Variants in RHBDL1 observed in about 807,000 individuals in gnomAD.
The protein encoded by RHBDL1 is rhomboid like 1.
Under a neutral mutation model 34.0 loss-of-function variants are expected in RHBDL1, and 21 were observed. The ratio of observed to expected loss-of-function variants is 0.62; its 90% CI spans 0.44 to 0.89. The LOEUF is 0.89. Ranked by LOEUF, RHBDL1 falls within the 40% of genes least tolerant of loss-of-function variation. The pLI is 0.00. For synonymous variants in RHBDL1, 268 were observed against 234.8 expected, an observed-to-expected ratio of 1.14 and a Z score of -1.29; for missense variants, 450 against 530.6, an observed-to-expected ratio of 0.85 and a Z score of 1.49.
rs760167780 is a variant in RHBDL1 at position 677,713 on chromosome 16, G to C, written c.850+14G>C. 1.0e-5 allele frequency: 16 copies of C among 1,527,046 alleles called. No individual in the cohort carries two copies. The highest frequency in any genetic ancestry group is 6.8e-5 in the East Asian group (3 of 43,874). The allele number at this position is 1,527,046 out of a possible 1,614,324, so 94.6% of individuals were successfully genotyped here. ...CCTTGGTGTGCAGTGAGTAGGGGCCGGGGGGAGGGCCGGGGGGCCTCTCAG... is the reference window on the plus strand; with the variant it reads ...CCTTGGTGTGCAGTGAGTAGGGGCCCGGGGGAGGGCCGGGGGGCCTCTCAG... On this transcript the variant is annotated intron_variant, in intron 7 of 7. Coordinates refer to ENST00000352681, the MANE Select transcript of RHBDL1 (RefSeq NM_001278720.2).
In RHBDL1 at chr16:676,762, C is replaced by T. The variant is rs760294410; in HGVS notation, c.292C>T (p.Leu98=). The change falls in exon 3 of 8, where the codon CTA becomes TTA. Residue 98 remains leucine (L), a synonymous_variant. Coordinates refer to ENST00000352681, the MANE Select transcript of RHBDL1 (RefSeq NM_001278720.2). This position sits in a 1 kb window ranked among gnomAD's most constrained non-coding sequence, Gnocchi z 6.9. ...GGACGGGCCGCTGGATGAGCCAGGC[C>T]TAGGTGTCTACAAGCGGTTTGTGCG... The part of the protein sequence containing the change: ...PRDGPLDEPG[L]GVYKRFVRYV... 21 of 1,611,720 alleles carry T rather than the reference C, an allele frequency of 1.3e-5. No individual in the cohort carries two copies. The highest frequency in any genetic ancestry group is 1.1e-5 in the South Asian group (1 of 91,014).
At position 677,447 on chromosome 16, in the gene RHBDL1, T is replaced by C; in HGVS notation, c.689-12T>C. Reference sequence around the variant, plus strand: ...GGCCGGCTGCACCCTCACCCGCCGCTTGCTCACACAGGCTCCCTAACCGTC... The same window carrying C: ...GGCCGGCTGCACCCTCACCCGCCGCCTGCTCACACAGGCTCCCTAACCGTC... On this transcript the variant is annotated splice_polypyrimidine_tract_variant and intron_variant, in intron 5 of 7. Transcript: ENST00000352681. 1 of 1,601,340 alleles carries C rather than the reference T, an allele frequency of 6.2e-7. No individual in the cohort carries two copies.
chr16:676,547 G>A lies in RHBDL1; in HGVS notation c.201+50G>A. Reference sequence around the variant, plus strand: ...CAGGGGCACGGTGTCCTGGCCAGAGGAGGCGGGCAGGCAGCTCCTCACGGC... The same window carrying A: ...CAGGGGCACGGTGTCCTGGCCAGAGAAGGCGGGCAGGCAGCTCCTCACGGC... On this transcript the variant is annotated intron_variant, in intron 2 of 7. Transcript: ENST00000352681. This position sits in a 1 kb window ranked among gnomAD's most constrained non-coding sequence, Gnocchi z 6.9. 1.3e-6 allele frequency: 2 copies of A among 1,569,758 alleles called. No individual in the cohort carries two copies. Among genetic ancestry groups the A allele is most frequent in the South Asian group, 1.1e-5 (1 of 87,298 alleles).
Position 678,263 on chromosome 16 carries a change from A to G in RHBDL1, c.*211A>G, listed in dbSNP as rs370039211. 7.5e-7 allele frequency: 1 copy of G among 1,338,732 alleles called. No homozygotes were observed. Among genetic ancestry groups the G allele is most frequent in the Non-Finnish European group, 9.5e-7 (1 of 1,047,658 alleles). The allele number at this position is 1,338,732 out of a possible 1,614,324, so 82.9% of individuals were successfully genotyped here. On this transcript the variant is annotated 3_prime_UTR_variant, in exon 8 of 8. Coordinates refer to ENST00000352681, the MANE Select transcript of RHBDL1 (RefSeq NM_001278720.2). ...TTTGGATAATTAATAAATATTTTAC[A>G]CAGCACCAGGGGGCTGTCCCGGGCT...
chr16:675,795 A>T lies in RHBDL1; in HGVS notation c.5A>T (p.Asp2Val). Residue 2 changes from aspartate (D) to valine (V), a missense_variant, in exon 1 of 8, where the codon GAC (aspartate) becomes GTC (valine). Transcript: ENST00000352681. M[D>V]RSSLLQLIQE... ...CCCGGCCCCCGGCCAGGCTCTATGG[A>T]CAGGAGCTCGCTGCTGCAGCTCATC... is the stretch of plus-strand genomic sequence containing the variant. The T allele has an allele frequency of 6.6e-7, 1 of 1,505,918 alleles. No homozygotes were observed. Among genetic ancestry groups the T allele is most frequent in the Non-Finnish European group, 8.8e-7 (1 of 1,131,034 alleles). The allele number at this position is 1,505,918 out of a possible 1,614,324, so 93.3% of individuals were successfully genotyped here.
Position 675,733 on chromosome 16 carries a change from G to A in RHBDL1, c.-58G>A. On this transcript the variant is annotated 5_prime_UTR_variant, in exon 1 of 8. Coordinates refer to ENST00000352681, the MANE Select transcript of RHBDL1 (RefSeq NM_001278720.2). ...CTGGGGCGGAGCGGAGTCGTCCGCA[G>A]AGCAGCCCCTCCCGGCCGCGGCCGC... 1 of 1,164,932 alleles carries A rather than the reference G, an allele frequency of 8.6e-7. No individual in the cohort carries two copies. The highest frequency in any genetic ancestry group is 1.2e-6 in the Non-Finnish European group (1 of 855,682). 72.2% of individuals were successfully genotyped at this position (1,164,932 alleles called of 1,614,324 possible). A position where few individuals can be genotyped will look rare whatever the true frequency, so the allele number is the denominator to read the frequency against.
At position 675,773 on chromosome 16, in the gene RHBDL1, G is replaced by A; in HGVS notation, c.-18G>A. On this transcript the variant is annotated 5_prime_UTR_variant, in exon 1 of 8. Transcript: ENST00000352681. ...GCCGCGGCCGCCGACCCCGGACCCC[G>A]GCCCCCGGCCAGGCTCTATGGACAG... The A allele has an allele frequency of 1.4e-6, 2 of 1,454,244 alleles. No homozygotes were observed. Among genetic ancestry groups the A allele is most frequent in the South Asian group, 1.3e-5 (1 of 74,402 alleles). The allele number at this position is 1,454,244 out of a possible 1,614,324, so 90.1% of individuals were successfully genotyped here.
rs772314256 is a variant in RHBDL1, at chr16:676,844, G to A, written c.374G>A (p.Arg125His). Residue 125 changes from arginine to histidine, a missense_variant, in exon 3 of 8, where the codon CGT (arginine) becomes CAT (histidine). Transcript: ENST00000352681. The surrounding 1 kb of genome is among the most constrained non-coding windows in gnomAD (Gnocchi z 6.9). ...GTGGACCGCCGCTGGTACTTCTACC[G>A]TCACCGCAGCTGCCCACCCCCCGTG... ...CEVDRRWYFY[R>H]HRSCPPPVFM... is the part of the protein sequence containing the mutation. The A allele has an allele frequency of 4.5e-5, 73 of 1,611,488 alleles. No individual in the cohort carries two copies. Among genetic ancestry groups the A allele is most frequent in the Non-Finnish European group, 6.0e-5 (71 of 1,179,686 alleles).
Position 676,957 on chromosome 16 carries a change from A to G in RHBDL1, c.427-14A>G. ...CGCTCCTGGCCATGACCAGCCTAAC[A>G]CTCGTGTCCCCAGATCATCGTGTTC... is the stretch of plus-strand genomic sequence containing the variant. On this transcript the variant is annotated splice_polypyrimidine_tract_variant and intron_variant, in intron 3 of 7. Transcript: ENST00000352681. The surrounding 1 kb of genome is among the most constrained non-coding windows in gnomAD (Gnocchi z 6.9). 1 of 1,610,952 alleles carries G rather than the reference A, an allele frequency of 6.2e-7. No individual in the cohort carries two copies. Among genetic ancestry groups the G allele is most frequent in the Non-Finnish European group, 8.5e-7 (1 of 1,179,044 alleles).
chr16:676,848 C>T lies in RHBDL1; in HGVS notation c.378C>T (p.His126=), dbSNP rs2039553548. 1 of 1,612,166 alleles carries T rather than the reference C, an allele frequency of 6.2e-7. No homozygotes were observed. The highest frequency in any genetic ancestry group is 1.1e-5 in the South Asian group (1 of 91,024). ...EVDRRWYFYR[H]RSCPPPVFMA... is the part of the protein sequence containing the mutation. ...ACCGCCGCTGGTACTTCTACCGTCA[C>T]CGCAGCTGCCCACCCCCCGTGTTCA... Residue 126 remains histidine, a synonymous_variant, in exon 3 of 8, where the codon CAC becomes CAT. Transcript: ENST00000352681. This position sits in a 1 kb window ranked among gnomAD's most constrained non-coding sequence, Gnocchi z 6.9.
Position 678,111 on chromosome 16 carries a change from G to A in RHBDL1, c.*59G>A. 6.8e-7 allele frequency: 1 copy of A among 1,479,892 alleles called. No homozygotes were observed. Among genetic ancestry groups the A allele is most frequent in the Non-Finnish European group, 8.9e-7 (1 of 1,122,322 alleles). 91.7% of individuals were successfully genotyped at this position (1,479,892 alleles called of 1,614,324 possible). The stretch of plus-strand genomic sequence containing the variant: ...GGCATGTGGTGGCCGCCCACCAGGG[G>A]CCTTCACGTCTGCCCTTTGTGAACG... On this transcript the variant is annotated 3_prime_UTR_variant, in exon 8 of 8. Transcript: ENST00000352681.
rs369174637 is a variant in RHBDL1, at chr16:677,678, A to T, written c.829A>T (p.Met277Leu). The T allele has an allele frequency of 6.4e-7, 1 of 1,552,812 alleles. No homozygotes were observed. The highest frequency in any genetic ancestry group is 8.7e-7 in the Non-Finnish European group (1 of 1,146,720). ...GAGATGTCCCTACAAGTTGCTGAGG[A>T]TGGTGCTGGCCTTGGTGTGCAGTGA... ...GMRCPYKLLR[M>L]VLALVCMSSE... Residue 277 changes from methionine (M) to leucine (L), a missense_variant, in exon 7 of 8, where the codon ATG becomes TTG. Met to Leu is a conservative substitution (Grantham distance 15). Transcript: ENST00000352681.
rs563409125 is a variant in RHBDL1 at position 678,124 on chromosome 16, C to T, written c.*72C>T. On this transcript the variant is annotated 3_prime_UTR_variant, in exon 8 of 8. Transcript: ENST00000352681. ...CGCCCACCAGGGGCCTTCACGTCTGCCCTTTGTGAACGGACGTCTCAGGGC... is the reference window on the plus strand; with the variant it reads ...CGCCCACCAGGGGCCTTCACGTCTGTCCTTTGTGAACGGACGTCTCAGGGC... The T allele has an allele frequency of 2.5e-5, 37 of 1,459,922 alleles. 2 individuals carry two copies. In the South Asian group the frequency reaches 4.3e-4, roughly 17 times the overall value. The allele number at this position is 1,459,922 out of a possible 1,614,324, so 90.4% of individuals were successfully genotyped here.
At chr16:677,590 G>A (rs756030387) in intron 6 of RHBDL1, 31 bp downstream of exon 6, 2 of 1,607,106 alleles carry the variant, frequency 1.2e-6, no homozygotes, top group Non-Finnish European at 1.7e-6. Context: ...GGGGCGTGGG[G>A]AGGGGCCCCA....
Position 677,942 on chromosome 16 carries a change from T to C in RHBDL1, c.1012T>C (p.Cys338Arg), listed in dbSNP as rs1412538714. The change falls in exon 8 of 8, where the codon TGC becomes CGC. Residue 338 changes from cysteine to arginine, a missense_variant. Cys to Arg is a radical substitution (Grantham distance 180, BLOSUM62 -3). Transcript: ENST00000352681. The stretch of plus-strand genomic sequence containing the variant: ...CTACGAGGAGCGCCTGCGGGACCAG[T>C]GCGGCTGGTGGGTGGTGCTGCTGGC... ...RSYEERLRDQ[C>R]GWWVVLLAYG... is the part of the protein sequence containing the mutation. The C allele has an allele frequency of 6.2e-7, 1 of 1,603,656 alleles. No homozygotes were observed. Among genetic ancestry groups the C allele is most frequent in the African/African-American group, 1.3e-5 (1 of 75,020 alleles).
chr16:676,621 CAG>C lies in RHBDL1; in HGVS notation c.202-50_202-49del, dbSNP rs2151500099. On this transcript the variant is annotated intron_variant, in intron 2 of 7. Transcript: ENST00000352681. This position sits in a 1 kb window ranked among gnomAD's most constrained non-coding sequence, Gnocchi z 6.9. Reference sequence around the variant, plus strand: ...CGGGGAGCTGGGTGAGCCTCACAGGCAGGGGTGCCATGGGGAGGTCCGTGGCC... The same window carrying C: ...CGGGGAGCTGGGTGAGCCTCACAGGCGGGTGCCATGGGGAGGTCCGTGGCC... The C allele has an allele frequency of 1.9e-6, 3 of 1,595,182 alleles. No homozygotes were observed. The highest frequency in any genetic ancestry group is 4.5e-5 in the East Asian group (2 of 44,576).
rs750694269 is a variant in RHBDL1 at position 677,876 on chromosome 16, G to A, written c.946G>A (p.Ala316Thr). ...CAGCTTCATGGCGCACCTGGCAGGC[G>A]CGGTGGTGGGGGTGAGCATGGGCCT... ...QPSFMAHLAG[A>T]VVGVSMGLTI... The change falls in exon 8 of 8, where the codon GCG (alanine) becomes ACG (threonine). Residue 316 changes from alanine (A) to threonine (T), a missense_variant. Physicochemically the swap from Ala to Thr is moderately conservative, Grantham distance 58. Coordinates refer to ENST00000352681, the MANE Select transcript of RHBDL1 (RefSeq NM_001278720.2). 9.4e-6 allele frequency: 15 copies of A among 1,597,904 alleles called. No homozygotes were observed. Among genetic ancestry groups the A allele is most frequent in the East Asian group, 4.5e-5 (2 of 44,620 alleles).
rs1436736963 is a variant in RHBDL1, at chr16:677,914, G to C, written c.984G>C (p.Arg328=). The change falls in exon 8 of 8, where the codon CGG becomes CGC. Residue 328 remains arginine (R), a synonymous_variant. Coordinates refer to ENST00000352681, the MANE Select transcript of RHBDL1 (RefSeq NM_001278720.2). The stretch of plus-strand genomic sequence containing the variant: ...TGAGCATGGGCCTGACCATCCTGCG[G>C]AGCTACGAGGAGCGCCTGCGGGACC... ...VGVSMGLTIL[R]SYEERLRDQC... 2 of 1,603,022 alleles carry C rather than the reference G, an allele frequency of 1.2e-6. No individual in the cohort carries two copies. The highest frequency in any genetic ancestry group is 2.2e-5 in the South Asian group (2 of 90,882).
Position 676,582 on chromosome 16 carries a change from G to C in RHBDL1, c.201+85G>C. On this transcript the variant is annotated intron_variant, in intron 2 of 7. Coordinates refer to ENST00000352681, the MANE Select transcript of RHBDL1 (RefSeq NM_001278720.2). The surrounding 1 kb of genome is among the most constrained non-coding windows in gnomAD (Gnocchi z 6.9). ...GGCAGCTCCTCACGGCGGTGGGTGG[G>C]GGGCTTGTGGATGCGGGGAGCTGGG... The C allele has an allele frequency of 6.3e-7, 1 of 1,577,002 alleles. No homozygotes were observed. Among genetic ancestry groups the C allele is most frequent in the South Asian group, 1.1e-5 (1 of 89,264 alleles).
Sources: allele counts gnomAD v4.1 joint callset, GRCh38; gene constraint gnomAD v4.1.1; non-coding constraint Gnocchi (gnomAD v3.1); transcripts MANE v1.5; gene names NCBI Gene and HGNC (gene_info 2026-07-23, HGNC 2026-07-21).